The following SLC1A2 variants were observed in gnomAD, a reference collection of about 807,000 sequenced individuals.
SLC1A2 encodes excitatory amino acid transporter 2.
In SLC1A2, 15 loss-of-function variants were observed where a neutral mutation model predicts 48.8. The observed-to-expected ratio is 0.31, with a 90% CI of 0.21 to 0.47. SLC1A2 has a LOEUF of 0.47. Ranked by LOEUF, SLC1A2 falls within the 20% of genes least tolerant of loss-of-function variation. SLC1A2 has a pLI of 0.99. For missense variants in SLC1A2, 502 were observed against 730.5 expected, an observed-to-expected ratio of 0.69 and a Z score of 3.61; for synonymous variants, 279 against 272.6, an observed-to-expected ratio of 1.02 and a Z score of -0.23.
intron 1 of SLC1A2, chr11:35,404,223 G>C (rs1171473602): frequency 1.3e-5 from 2 of 152,190 alleles, no homozygotes; most frequent in Non-Finnish European, 2.9e-5. Context: ...TGAGTGTCTA[G>C]GCTTCCTGCT....
chr11:35,279,962 T>A (rs1373138932), intron 9 of SLC1A2, among the ~76,000 whole-genome samples: 1 of 152,186 alleles, frequency 6.6e-6, no homozygotes, highest in Non-Finnish European at 1.5e-5. Context: ...TGTGTTTTAA[T>A]CACTTTACTG....
chr11:35,404,664 C>T (rs1855232828), intron 1 of SLC1A2: 1 of 152,246 alleles, frequency 6.6e-6, no homozygotes, highest in Non-Finnish European at 1.5e-5. Context: ...AGAGGTGTGG[C>T]TCCACAGTGC....
At chr11:35,270,370 C>T (rs1379031225) in intron 9 of SLC1A2, among the ~76,000 whole-genome samples, 3 of 152,192 alleles carry the variant, frequency 2.0e-5, no homozygotes, top group Non-Finnish European at 4.4e-5. Context: ...TTGTAGGTTA[C>T]AGGCATACAT....
intron 1 of SLC1A2, among the ~76,000 whole-genome samples, chr11:35,349,946 G>A (rs928017192): frequency 6.6e-6 from 1 of 152,158 alleles, no homozygotes; most frequent in African/African-American, 2.4e-5. Context: ...CGGGCTCCGA[G>A]ACAGAGAGAC....
chr11:35,297,804 C>A (rs2134775540), intron 6 of SLC1A2: 1 of 152,300 alleles, frequency 6.6e-6, no homozygotes, highest in Non-Finnish European at 1.5e-5. Flanking sequence ...ACAGCTATTA[C>A]TATAATACTA....
rs1402803039 is a variant in SLC1A2, at chr11:35,251,478, T to G, written c.*9416A>C. 1 of 152,594 alleles carries G rather than the reference T, an allele frequency of 6.6e-6. No individual in the cohort carries two copies. The highest frequency in any genetic ancestry group is 1.5e-5 in the Non-Finnish European group (1 of 68,034). The allele number at this position is 152,594 out of a possible 1,614,324, so 9.5% of individuals were successfully genotyped here. The stretch of plus-strand genomic sequence containing the variant: ...TCAAAAATTAGTTGAAGATTTTATC[T>G]TTTTGCATTCATTAGTCTTTAAACA... On this transcript the variant is annotated 3_prime_UTR_variant, in exon 11 of 11. Coordinates refer to ENST00000278379, the MANE Select transcript of SLC1A2 (RefSeq NM_004171.4).
At chr11:35,331,972 A>G (rs1852444936) in intron 1 of SLC1A2, among the ~76,000 whole-genome samples, 1 of 152,132 alleles carries the variant, frequency 6.6e-6, no homozygotes, top group Non-Finnish European at 1.5e-5. Context: ...ATTTGGAGGT[A>G]CTAAGGGGAC....
rs1411705141 is a variant in SLC1A2 at position 35,257,085 on chromosome 11, T to C, written c.*3809A>G. 6.6e-6 allele frequency: 1 copy of C among 152,202 alleles called. No homozygotes were observed. Among genetic ancestry groups the C allele is most frequent in the Non-Finnish European group, 1.5e-5 (1 of 68,030 alleles). The allele number at this position is 152,202 out of a possible 1,614,324, so 9.4% of individuals were successfully genotyped here. A position where few individuals can be genotyped will look rare whatever the true frequency, so the allele number is the denominator to read the frequency against. On this transcript the variant is annotated 3_prime_UTR_variant, in exon 11 of 11. Transcript: ENST00000278379. ...AAAACATGGCAGAATTGGGTTTCCTTTGGTGGACCCAGTAAATGAGTTTCC... is the reference window on the plus strand; with the variant it reads ...AAAACATGGCAGAATTGGGTTTCCTCTGGTGGACCCAGTAAATGAGTTTCC...
chr11:35,317,729 C>T (rs955080592), intron 1 of SLC1A2, among the ~76,000 whole-genome samples: 7 of 152,138 alleles, frequency 4.6e-5, no homozygotes, highest in Non-Finnish European at 1.0e-4. Context: ...AAAGGAACAC[C>T]GCATGCAATG....
chr11:35,402,783 C>T (rs753348366), intron 1 of SLC1A2, among the ~76,000 whole-genome samples: 1 of 152,084 alleles, frequency 6.6e-6, no homozygotes, highest in Non-Finnish European at 1.5e-5. Flanking sequence ...TGCCTGGTGT[C>T]GGGAAAGACA....
chr11:35,418,513 C>T (rs1489492531), intron 1 of SLC1A2: 1 of 168,870 alleles, frequency 5.9e-6, no homozygotes, highest in Non-Finnish European at 1.3e-5. Flanking sequence ...TGGTCCTTGC[C>T]CCGCCCCAGG....
intron 9 of SLC1A2, among the ~76,000 whole-genome samples, chr11:35,276,755 T>C (rs376551634): frequency 8.5e-5 from 13 of 152,324 alleles, no homozygotes; most frequent in African/African-American, 3.1e-4. Flanking sequence ...AAGACCTTGA[T>C]TGTACCCCAT....
intron 10 of SLC1A2, among the ~76,000 whole-genome samples, chr11:35,262,394 T>C (rs1023427753): frequency 2.6e-5 from 4 of 152,232 alleles, no homozygotes; most frequent in African/African-American, 9.6e-5. Context: ...GCAGATTTTT[T>C]TGGCGTTTCC....
rs1415029552 is a variant in SLC1A2 at position 35,265,617 on chromosome 11, G to A, written c.1563C>T (p.Ser521=). ...HEDIEMTKTQ[S]IYDDMKNHRE... is the part of the protein sequence containing the mutation. ...TGTGGTTCTTCATGTCATCATAAAT[G>A]GATTGAGTCTTGGTCATTTCAATAT... Residue 521 remains serine, a synonymous_variant, in exon 10 of 11, where the codon TCC becomes TCT. Transcript: ENST00000278379. The A allele has an allele frequency of 1.2e-6, 2 of 1,612,054 alleles. No homozygotes were observed.
intron 1 of SLC1A2, among the ~76,000 whole-genome samples, chr11:35,373,701 C>A (rs1450739245): frequency 1.3e-5 from 2 of 152,234 alleles, no homozygotes; most frequent in East Asian, 3.9e-4. Context: ...GCAGCATGGG[C>A]AAGGGGCATA....
At chr11:35,337,563 A>T (rs1852679098) in intron 1 of SLC1A2, among the ~76,000 whole-genome samples, 1 of 152,172 alleles carries the variant, frequency 6.6e-6, no homozygotes. Context: ...CTATCTAACT[A>T]CACCTGCATG....
rs1175347980 is a variant in SLC1A2, at chr11:35,251,715, A to T, written c.*9179T>A. ...TTTTCAAGGAAAAATTAGCCTGTCC[A>T]CCATATCTCCTCATATGAAGCAGCC... On this transcript the variant is annotated 3_prime_UTR_variant, in exon 11 of 11. Coordinates refer to ENST00000278379, the MANE Select transcript of SLC1A2 (RefSeq NM_004171.4). 6.6e-6 allele frequency: 1 copy of T among 152,632 alleles called. No individual in the cohort carries two copies. The highest frequency in any genetic ancestry group is 1.9e-4 in the East Asian group (1 of 5,200). 9.5% of individuals were successfully genotyped at this position (152,632 alleles called of 1,614,324 possible).
chr11:35,271,765 C>A (rs141562799), intron 9 of SLC1A2, among the ~76,000 whole-genome samples: 124 of 152,194 alleles, frequency 8.1e-4, no homozygotes, highest in African/African-American at 2.8e-3. Flanking sequence ...ATCGCTTGGG[C>A]CTGAGAGACG....
At chr11:35,357,392 C>T (rs191577449) in intron 1 of SLC1A2, among the ~76,000 whole-genome samples, 5 of 152,164 alleles carry the variant, frequency 3.3e-5, no homozygotes, top group Non-Finnish European at 5.9e-5. Flanking sequence ...CAAGTACATT[C>T]GGACAACATG....
Sources: gnomAD v4.1 joint callset for allele counts (sites outside exome capture counted in the v4.1 genomes callset) on GRCh38, gnomAD v4.1.1 for gene constraint, MANE v1.5 for transcripts, NCBI Gene and HGNC (gene_info 2026-07-23, HGNC 2026-07-21) for gene names.